DOCK3: variants seen among roughly 807,000 people sequenced by gnomAD.
DOCK3 encodes dedicator of cytokinesis 3.
DOCK3 carries 60 observed loss-of-function variants against 265.6 expected under a neutral mutation model. The observed-to-expected ratio is 0.23, with a 90% CI of 0.18 to 0.28. The LOEUF (loss-of-function observed/expected upper bound fraction) is 0.28, where lower values mean the gene tolerates loss of function less well. Among genes scored for constraint, DOCK3 ranks in the 10% least tolerant of loss-of-function variants. DOCK3 has a pLI of 1.00. For synonymous variants in DOCK3, 881 were observed against 938.0 expected, an observed-to-expected ratio of 0.94 and a Z score of 1.11; for missense variants, 1,981 against 2,594.3, an observed-to-expected ratio of 0.76 and a Z score of 5.14.
chr3:50,897,123 A>G (rs1343721927), intron 4 of DOCK3, among the ~76,000 whole-genome samples: 2 of 152,086 alleles, frequency 1.3e-5, no homozygotes, highest in Non-Finnish European at 2.9e-5. Context: ...ATGAGCATGG[A>G]ATATTTTTCC....
intron 33 of DOCK3, 62 bp from the exon 34 acceptor site, chr3:51,332,939 T>G: frequency 6.2e-7 from 1 of 1,607,662 alleles, no homozygotes; most frequent in Non-Finnish European, 8.5e-7. Context: ...AGAAGATGTG[T>G]TTTCATTTGT....
At position 50,897,464 on chromosome 3, in the gene DOCK3, A is replaced by C. The variant is rs1162822265; in HGVS notation, c.218+7383A>C. Among the ~76,000 whole-genome samples the C allele has an allele frequency of 5.3e-5, 8 of 152,164 alleles. No homozygotes were observed. In the South Asian group the frequency reaches 1.7e-3, roughly 32 times the overall value. On this transcript the variant is annotated intron_variant, in intron 4 of 52. Coordinates refer to ENST00000266037, the MANE Select transcript of DOCK3 (RefSeq NM_004947.5). ...TGATTTTCTCTCTTCCTATTTGAAT[A>C]CCCTTTATTTCTTTCTCTTGCCTGA...
At position 51,333,215 on chromosome 3, in the gene DOCK3, C is replaced by T; in HGVS notation, c.3573C>T (p.Thr1191=). The part of the protein sequence containing the change: ...TWRETGISFV[T]SVTRLMERLL... ...GCGAGACCGGCATTTCCTTTGTGAC[C>T]TCAGTCACCCGCCTCATGGAACGTC... The change falls in exon 35 of 53, where the codon ACC becomes ACT. Residue 1191 remains threonine (T), a synonymous_variant. Coordinates refer to ENST00000266037, the MANE Select transcript of DOCK3 (RefSeq NM_004947.5). The T allele has an allele frequency of 6.2e-7, 1 of 1,613,622 alleles. No homozygotes were observed. Among genetic ancestry groups the T allele is most frequent in the Non-Finnish European group, 8.5e-7 (1 of 1,179,906 alleles).
intron 2 of DOCK3, among the ~76,000 whole-genome samples, chr3:50,809,276 G>C (rs1005654718): frequency 9.9e-5 from 15 of 152,130 alleles, no homozygotes; most frequent in Non-Finnish European, 7.4e-5. Context: ...GCTTGAGTAG[G>C]CTCCTCAAAA....
At chr3:50,841,284 G>A (rs749815624) in intron 2 of DOCK3, among the ~76,000 whole-genome samples, 9 of 152,176 alleles carry the variant, frequency 5.9e-5, no homozygotes, top group Non-Finnish European at 1.2e-4. Flanking sequence ...TATACTGTAT[G>A]GGAGATTGAA....
At chr3:50,825,544 G>C (rs2044709218) in intron 2 of DOCK3, among the ~76,000 whole-genome samples, 1 of 152,150 alleles carries the variant, frequency 6.6e-6, no homozygotes, top group South Asian at 2.1e-4. Context: ...GGTTAAAATA[G>C]AGCATCTCTG....
At chr3:50,929,730 G>A (rs1012716736) in intron 4 of DOCK3, among the ~76,000 whole-genome samples, 1 of 152,068 alleles carries the variant, frequency 6.6e-6, no homozygotes, top group African/African-American at 2.4e-5. Context: ...TGTGTCTTTG[G>A]AGCTGAGGAA....
chr3:51,009,593 A>G (rs1314043316), intron 5 of DOCK3, among the ~76,000 whole-genome samples: 1 of 152,124 alleles, frequency 6.6e-6, no homozygotes, highest in East Asian at 1.9e-4. Context: ...GAATTTTTGA[A>G]GGGTTTTTTG....
At chr3:51,258,337 G>A (rs2079661086) in intron 22 of DOCK3, among the ~76,000 whole-genome samples, 1 of 152,150 alleles carries the variant, frequency 6.6e-6, no homozygotes, top group Non-Finnish European at 1.5e-5. Flanking sequence ...TACTTCCAGT[G>A]CTCCACGTAA....
At chr3:51,120,208 CTAACAATCA>C (rs939421455) in intron 9 of DOCK3, among the ~76,000 whole-genome samples, 1 of 152,186 alleles carries the variant, frequency 6.6e-6, no homozygotes, top group African/African-American at 2.4e-5. Flanking sequence ...AGTTTTCCTT[CTAACAATCA>C]TGGCCCTCTT....
intron 5 of DOCK3, among the ~76,000 whole-genome samples, chr3:50,950,327 T>A (rs1474341697): frequency 6.6e-6 from 1 of 152,190 alleles, no homozygotes; most frequent in African/African-American, 2.4e-5. Flanking sequence ...TTGACATGTT[T>A]TATTTTGAGC....
intron 5 of DOCK3, among the ~76,000 whole-genome samples, chr3:51,000,035 T>G (rs13064199): frequency 0.099 from 15,007 of 152,220 alleles, 928 homozygotes; most frequent in Non-Finnish European, 0.13. Flanking sequence ...CAGCCCAAAG[T>G]GAAAACTGAG....
chr3:50,731,043 A>G (rs541399987), intron 1 of DOCK3, among the ~76,000 whole-genome samples: 12 of 151,580 alleles, frequency 7.9e-5, no homozygotes, highest in Admixed American at 2.6e-4. Flanking sequence ...GAGGCAGGAG[A>G]ATGGCATGAA....
intron 12 of DOCK3, among the ~76,000 whole-genome samples, chr3:51,183,944 A>G (rs2087445911): frequency 6.6e-6 from 1 of 152,210 alleles, no homozygotes; most frequent in Non-Finnish European, 1.5e-5. Flanking sequence ...GAGAGGGCCT[A>G]CAGGAAGCAC....
At chr3:50,876,189 A>G (rs1559755108) in intron 3 of DOCK3, among the ~76,000 whole-genome samples, 1 of 152,176 alleles carries the variant, frequency 6.6e-6, no homozygotes, top group Non-Finnish European at 1.5e-5. Flanking sequence ...ATTTAAAAAG[A>G]GAAATCAAAA....
chr3:51,070,627 A>G (rs2081822032), intron 6 of DOCK3, among the ~76,000 whole-genome samples: 3 of 152,208 alleles, frequency 2.0e-5, no homozygotes, highest in South Asian at 4.1e-4. Flanking sequence ...TTTCATTAGT[A>G]TAGTTCTTAT....
At chr3:51,309,466 C>A (rs544406743) in intron 27 of DOCK3, among the ~76,000 whole-genome samples, 1 of 152,084 alleles carries the variant, frequency 6.6e-6, no homozygotes, top group African/African-American at 2.4e-5. Flanking sequence ...CGCCTGCAAT[C>A]GCAGGCACTC....
intron 38 of DOCK3, among the ~76,000 whole-genome samples, chr3:51,347,901 A>G (rs1344156237): frequency 6.6e-6 from 1 of 152,126 alleles, no homozygotes; most frequent in African/African-American, 2.4e-5. Flanking sequence ...CTTTGAAGCA[A>G]TTGTGAATGG....
intron 40 of DOCK3, among the ~76,000 whole-genome samples, chr3:51,352,049 T>C (rs937495266): frequency 6.6e-6 from 1 of 152,182 alleles, no homozygotes; most frequent in Admixed American, 6.5e-5. Context: ...GCATATTTGC[T>C]AGCCCCATCA....
Sources: allele counts gnomAD v4.1 joint callset (sites outside exome capture counted in the v4.1 genomes callset), GRCh38; gene constraint gnomAD v4.1.1; transcripts MANE v1.5; gene names NCBI Gene and HGNC (gene_info 2026-07-23, HGNC 2026-07-21).